The following USP6 variants were observed in gnomAD, a reference collection of about 807,000 sequenced individuals.
USP6 encodes the protein ubiquitin carboxyl-terminal hydrolase 6.
In USP6, 128 loss-of-function variants were observed where a neutral mutation model predicts 175.7. The ratio of observed to expected loss-of-function variants is 0.73; its 90% CI spans 0.63 to 0.84. The LOEUF (loss-of-function observed/expected upper bound fraction) is 0.84. Among genes scored for constraint, USP6 ranks in the 40% least tolerant of loss-of-function variants. USP6 has a pLI of 0.00. For missense variants in USP6, 1,498 were observed against 1,760.3 expected (o/e 0.85, Z 2.67); for synonymous variants, 562 against 630.6 (o/e 0.89, Z 1.63).
At position 5,174,031 on chromosome 17, in the gene USP6, A is replaced by G. The variant is rs1457515598; in HGVS notation, c.*1053A>G. The G allele has an allele frequency of 4.7e-6, 1 of 212,026 alleles. No individual in the cohort carries two copies. The highest frequency in any genetic ancestry group is 2.3e-5 in the African/African-American group (1 of 44,204). The allele number at this position is 212,026 out of a possible 1,614,324, so 13.1% of individuals were successfully genotyped here. A position where few individuals can be genotyped will look rare whatever the true frequency, so the allele number is the denominator to read the frequency against. On this transcript the variant is annotated 3_prime_UTR_variant, in exon 38 of 38. Transcript: ENST00000574788. The stretch of plus-strand genomic sequence containing the variant: ...AACACATCCCAGACATTAGGAGTTC[A>G]TAAGTATATTTAATGAAATTGGTGG...
rs7222562 is a variant in USP6, at chr17:5,168,286, T to C, written c.3228+163T>C. On this transcript the variant is annotated intron_variant, in intron 34 of 37. Coordinates refer to ENST00000574788, the MANE Select transcript of USP6 (RefSeq NM_001304284.2). ...TTTATGTTGAATACAGAGATGAATC[T>C]TTCTACAAATATTTGGTAGTTCCTT... Among the ~76,000 whole-genome samples, 1,032 of 152,366 alleles carry C rather than the reference T, an allele frequency of 6.8e-3. 14 individuals carry two copies. Among genetic ancestry groups the C allele is most frequent in the African/African-American group, 0.024 (989 of 41,584 alleles).
At position 5,133,851 on chromosome 17, in the gene USP6, C is replaced by A. The variant is rs1248226488; in HGVS notation, c.385-36C>A. 4.4e-6 allele frequency: 7 copies of A among 1,600,594 alleles called. No homozygotes were observed. In the Admixed American group the frequency reaches 5.0e-5, roughly 11 times the overall value. ...TGGGGCAGGGAGTCTTCCATCTGTT[C>A]TGAGGCTGCTTCCTCCTCTTGGCCC... On this transcript the variant is annotated intron_variant, in intron 14 of 37. Coordinates refer to ENST00000574788, the MANE Select transcript of USP6 (RefSeq NM_001304284.2).
At chr17:5,134,115 C>T in intron 15 of USP6, 119 bp downstream of exon 15, 1 of 1,115,370 alleles carries the variant, frequency 9.0e-7, no homozygotes, top group South Asian at 1.4e-5. Flanking sequence ...CAAGAGCTCT[C>T]CTGGCCCAGG....
Position 5,139,250 on chromosome 17 carries a change from T to C in USP6, c.1079-5T>C. 2 of 1,600,350 alleles carry C rather than the reference T, an allele frequency of 1.2e-6. No individual in the cohort carries two copies. The highest frequency in any genetic ancestry group is 1.7e-6 in the Non-Finnish European group (2 of 1,179,950). ...AGATGCTGACCACGTCTGTTTTCCT[T>C]TCAGCCAAACGCGAGCAAGGGTCCT... On this transcript the variant is annotated splice_region_variant and splice_polypyrimidine_tract_variant and intron_variant, in intron 21 of 37. Coordinates refer to ENST00000574788, the MANE Select transcript of USP6 (RefSeq NM_001304284.2).
intron 16 of USP6, among the ~76,000 whole-genome samples, chr17:5,135,544 C>T (rs901866991): frequency 9.9e-5 from 15 of 152,206 alleles, no homozygotes; most frequent in Admixed American, 6.5e-4. Flanking sequence ...CAAGAAATGA[C>T]GCCCTCCTCC....
At position 5,174,479 on chromosome 17, in the gene USP6, A is replaced by G. The variant is rs2074285390; in HGVS notation, c.*1501A>G. ...GAAAGGTTATCTTAAATGGCTACCTAAATTGAAATCCTTTTCAGAAAAAAT... is the reference window on the plus strand; with the variant it reads ...GAAAGGTTATCTTAAATGGCTACCTGAATTGAAATCCTTTTCAGAAAAAAT... On this transcript the variant is annotated 3_prime_UTR_variant, in exon 38 of 38. Coordinates refer to ENST00000574788, the MANE Select transcript of USP6 (RefSeq NM_001304284.2). The G allele has an allele frequency of 5.3e-6, 1 of 190,420 alleles. No homozygotes were observed. Among genetic ancestry groups the G allele is most frequent in the Non-Finnish European group, 1.1e-5 (1 of 90,636 alleles). The allele number at this position is 190,420 out of a possible 1,614,324, so 11.8% of individuals were successfully genotyped here. A position where few individuals can be genotyped will look rare whatever the true frequency, so the allele number is the denominator to read the frequency against.
intron 27 of USP6, among the ~76,000 whole-genome samples, 171 bp downstream of exon 27, chr17:5,145,750 G>C (rs2073589349): frequency 6.6e-6 from 1 of 152,022 alleles, no homozygotes; most frequent in Admixed American, 6.6e-5. Flanking sequence ...ATGTAGATTG[G>C]GGCATGTTTT....
chr17:5,169,130 C>G (rs1169211830), intron 35 of USP6, 75 bp downstream of exon 35: 1 of 1,450,776 alleles, frequency 6.9e-7, no homozygotes, highest in Admixed American at 2.6e-5. Context: ...GTCTTCTGTT[C>G]TGGAACATCA....
At chr17:5,152,066 A>T (rs539399756) in intron 30 of USP6, among the ~76,000 whole-genome samples, 3 of 152,030 alleles carry the variant, frequency 2.0e-5, no homozygotes, top group Admixed American at 1.3e-4. Context: ...ATATGGTGAA[A>T]CTCCGTCTCT....
chr17:5,135,853 C>G lies in USP6; in HGVS notation c.589C>G (p.Leu197Val), dbSNP rs774856385. The change falls in exon 17 of 38, where the codon CTC becomes GTC. Residue 197 changes from leucine to valine, a missense_variant. Coordinates refer to ENST00000574788, the MANE Select transcript of USP6 (RefSeq NM_001304284.2). ...CCTGAGCCACATCACCGCCTTGTTC[C>G]TCCTTTATCTGCCTGAGGAGGACGC... ...RDLSHITALF[L>V]LYLPEEDAFW... 6 of 1,599,312 alleles carry G rather than the reference C, an allele frequency of 3.8e-6. No homozygotes were observed. The highest frequency in any genetic ancestry group is 3.4e-6 in the Non-Finnish European group (4 of 1,179,802).
chr17:5,133,087 G>A lies in USP6; in HGVS notation c.276+97G>A, dbSNP rs916897983. The A allele has an allele frequency of 4.2e-6, 6 of 1,424,874 alleles. No homozygotes were observed. In the African/African-American group the frequency reaches 5.6e-5, roughly 13 times the overall value. The allele number at this position is 1,424,874 out of a possible 1,614,324, so 88.3% of individuals were successfully genotyped here. ...CCTGGCACCGTCAGCCTCTCAGAGG[G>A]CGGGTGGCACACTGTCCTCGCCCAG... On this transcript the variant is annotated intron_variant, in intron 13 of 37. Coordinates refer to ENST00000574788, the MANE Select transcript of USP6 (RefSeq NM_001304284.2).
At chr17:5,133,633 C>CGG in intron 14 of USP6, 83 bp downstream of exon 14, 1 of 670,536 alleles carries the variant, frequency 1.5e-6, no homozygotes, top group Non-Finnish European at 2.7e-6. Context: ...CAAGCCCACC[C>CGG]TGGGGTGGGG....
chr17:5,139,812 C>T (rs2073388207), intron 22 of USP6, 138 bp downstream of exon 22: 3 of 1,594,752 alleles, frequency 1.9e-6, no homozygotes, highest in Non-Finnish European at 2.5e-6. Flanking sequence ...ACTTCAGGGC[C>T]TTGCCTCTGC....
intron 20 of USP6, 32 bp from the exon 21 acceptor site, chr17:5,138,089 C>G: frequency 6.2e-7 from 1 of 1,613,848 alleles, no homozygotes; most frequent in South Asian, 1.1e-5. Context: ...TCCCAGGGAA[C>G]TCTCCTGGCC....
At chr17:5,149,819 A>C (rs1320096234) in intron 30 of USP6, among the ~76,000 whole-genome samples, 2 of 152,158 alleles carry the variant, frequency 1.3e-5, no homozygotes, top group Non-Finnish European at 2.9e-5. Context: ...AAAAAAGAAA[A>C]AGGAAGGTTT....
At chr17:5,158,614 GGAGAGAGAGAGAGAGAGAGAGAGAGAGA>G (rs71151843) in intron 31 of USP6, among the ~76,000 whole-genome samples, 1 of 26,356 alleles carries the variant, frequency 3.8e-5, no homozygotes. Flanking sequence ...AGGGAGAGGG[GGAGAGAGAGAGAGAGAGAGAGAGAGAGA>G]GAGAGAGAGA....
chr17:5,144,243 CATATT>C (rs1294553039), intron 25 of USP6, among the ~76,000 whole-genome samples: 3 of 151,664 alleles, frequency 2.0e-5, no homozygotes, highest in Non-Finnish European at 4.4e-5. Flanking sequence ...AATATATACA[CATATT>C]ATTTTATACA....
At chr17:5,130,711 C>T in intron 11 of USP6, 27 bp downstream of exon 11, 1 of 1,612,190 alleles carries the variant, frequency 6.2e-7, no homozygotes. Context: ...GCTCCCCTCA[C>T]CCCTAAAGCA....
chr17:5,169,999 A>T lies in USP6; in HGVS notation c.3518-480A>T, dbSNP rs530863859. 9.2e-5 allele frequency among the ~76,000 whole-genome samples: 14 copies of T among 152,346 alleles called. No homozygotes were observed. The South Asian group carries it at 2.3e-3, about 25-fold the overall frequency. ...AGGTATAAAAGGGGGTAGGGGTAAG[A>T]GGCTATAACTAAAAGGTTTAAAGCC... On this transcript the variant is annotated intron_variant, in intron 35 of 37. Coordinates refer to ENST00000574788, the MANE Select transcript of USP6 (RefSeq NM_001304284.2).
Sources: allele counts gnomAD v4.1 joint callset (sites outside exome capture counted in the v4.1 genomes callset), GRCh38; gene constraint gnomAD v4.1.1; transcripts MANE v1.5; gene names NCBI Gene and HGNC (gene_info 2026-07-23, HGNC 2026-07-21).